The following ANK3 variants were observed in gnomAD, a reference collection of about 807,000 sequenced individuals.
ANK3 encodes the protein ankyrin 3.
A neutral mutation model predicts 370.9 loss-of-function variants in ANK3; 57 were observed. The ratio of observed to expected loss-of-function variants is 0.15; its 90% CI spans 0.12 to 0.19. ANK3 has a LOEUF of 0.19. Among genes scored for constraint, ANK3 ranks in the 10% least tolerant of loss-of-function variants. The probability of loss-of-function intolerance (pLI) is 1.00; values close to 1 mark genes in which losing one functional copy is unlikely to be tolerated. For missense variants in ANK3, 4,439 were observed against 5,302.1 expected (o/e 0.84, Z 5.06); for synonymous variants, 1,929 against 1,946.3 (o/e 0.99, Z 0.23).
At chr10:60,308,541 G>GT (rs1186336084) in intron 1 of ANK3, among the ~76,000 whole-genome samples, 7 of 152,070 alleles carry the variant, frequency 4.6e-5, no homozygotes, top group African/African-American at 1.7e-4. Context: ...CTCCCAAATT[G>GT]CTGGGATTAC....
chr10:60,058,835 C>T (rs1353068361), intron 41 of ANK3, among the ~76,000 whole-genome samples: 1 of 152,116 alleles, frequency 6.6e-6, no homozygotes, highest in Non-Finnish European at 1.5e-5. Flanking sequence ...CTCACTGCAA[C>T]CTCCACCCTC....
chr10:60,269,471 C>A (rs990493311), intron 5 of ANK3, among the ~76,000 whole-genome samples: 3 of 152,094 alleles, frequency 2.0e-5, no homozygotes, highest in East Asian at 3.9e-4. Flanking sequence ...TGGTGAAACC[C>A]TGTCTCTACT....
intron 43 of ANK3, among the ~76,000 whole-genome samples, chr10:60,034,653 T>C (rs1453108935): frequency 6.6e-6 from 1 of 152,224 alleles, no homozygotes; most frequent in Non-Finnish European, 1.5e-5. Context: ...CTTTCCCTAA[T>C]GAAATCCACC....
chr10:60,314,828 T>C (rs1239116472), intron 1 of ANK3, among the ~76,000 whole-genome samples: 1 of 152,196 alleles, frequency 6.6e-6, no homozygotes, highest in Admixed American at 6.5e-5. Flanking sequence ...CTCCAGTTAT[T>C]ATATATTGGC....
intron 2 of ANK3, among the ~76,000 whole-genome samples, chr10:60,398,097 G>C (rs2132894869): frequency 6.6e-6 from 1 of 152,294 alleles, no homozygotes; most frequent in Admixed American, 6.5e-5. Flanking sequence ...AATGGACTCT[G>C]TGAAAAAGCA....
In ANK3 at chr10:60,070,290, G is replaced by A. The variant is rs996319497; in HGVS notation, c.10591C>T (p.Pro3531Ser). Residue 3531 changes from proline (P) to serine (S), a missense_variant, in exon 37 of 44, where the codon CCT becomes TCT. Transcript: ENST00000280772. This position sits in a 1 kb window ranked among gnomAD's most constrained non-coding sequence, Gnocchi z 5.7. ...CCTTTGGTAGCTACTGTTTTAAAAGGAGTGGCAAATTCTTCATCTACTTTG... is the reference window on the plus strand; with the variant it reads ...CCTTTGGTAGCTACTGTTTTAAAAGAAGTGGCAAATTCTTCATCTACTTTG... ...SYKVDEEFAT[P>S]FKTVATKGLD... 1.2e-6 allele frequency: 2 copies of A among 1,614,116 alleles called. No individual in the cohort carries two copies. Among genetic ancestry groups the A allele is most frequent in the African/African-American group, 1.3e-5 (1 of 75,048 alleles).
At chr10:60,586,622 T>G (rs947624822) in intron 2 of ANK3, among the ~76,000 whole-genome samples, 2 of 152,162 alleles carry the variant, frequency 1.3e-5, no homozygotes, top group African/African-American at 4.8e-5. Context: ...AACCAAGATG[T>G]GTGCTCTGCT....
intron 8 of ANK3, among the ~76,000 whole-genome samples, chr10:60,221,578 A>G (rs1473645614): frequency 6.6e-6 from 1 of 151,862 alleles, no homozygotes; most frequent in Non-Finnish European, 1.5e-5. Flanking sequence ...AGCAAATCCA[A>G]GACATCATAT....
Position 60,615,225 on chromosome 10 carries a change from C to G in ANK3, c.58-1G>C. Reference sequence around the variant, plus strand: ...GTGAATAATCTGATCCAAAGCCACCCTAAAAAAGTAAAGAAACAAACATTT... The same window carrying G: ...GTGAATAATCTGATCCAAAGCCACCGTAAAAAAGTAAAGAAACAAACATTT... On this transcript the variant is annotated splice_acceptor_variant, in intron 1 of 43. Transcript: ENST00000373827. LOFTEE classifies it high-confidence loss of function. 1 of 1,514,054 alleles carries G rather than the reference C, an allele frequency of 6.6e-7. No homozygotes were observed. The highest frequency in any genetic ancestry group is 1.3e-5 in the South Asian group (1 of 79,264). 93.8% of individuals were successfully genotyped at this position (1,514,054 alleles called of 1,614,324 possible). A position where few individuals can be genotyped will look rare whatever the true frequency, so the allele number is the denominator to read the frequency against.
chr10:60,072,964 C>T lies in ANK3; in HGVS notation c.7917G>A (p.Leu2639=), dbSNP rs1417693295. The T allele has an allele frequency of 6.2e-7, 1 of 1,614,106 alleles. No individual in the cohort carries two copies. The highest frequency in any genetic ancestry group is 1.7e-5 in the Admixed American group (1 of 59,992). ...TAACCCACTCATCATTGGATGCCAG[C>T]AGTTCTGTCAGTAGCACTTTCTCAG... ...SSPEKVLLTE[L]LASNDEWVKA... is the part of the protein sequence containing the mutation. Residue 2639 remains leucine, a synonymous_variant, in exon 37 of 44, where the codon CTG becomes CTA. Coordinates refer to ENST00000280772, the MANE Select transcript of ANK3 (RefSeq NM_020987.5).
At position 60,181,433 on chromosome 10, in the gene ANK3, A is replaced by G. The variant is rs2096183446; in HGVS notation, c.2086-6T>C. ...TGGAGTGGGGTCAGGCCGCTCTGCA[A>G]AAGATTCAAAGGGCACAGTCATCGT... is the stretch of plus-strand genomic sequence containing the variant. On this transcript the variant is annotated splice_polypyrimidine_tract_variant and splice_region_variant and intron_variant, in intron 17 of 43. Transcript: ENST00000280772. The G allele has an allele frequency of 6.2e-7, 1 of 1,613,478 alleles. No individual in the cohort carries two copies. The highest frequency in any genetic ancestry group is 2.2e-5 in the East Asian group (1 of 44,884).
chr10:60,046,004 G>C (rs985317625), intron 42 of ANK3, among the ~76,000 whole-genome samples: 3 of 150,988 alleles, frequency 2.0e-5, no homozygotes, highest in Non-Finnish European at 2.9e-5. Context: ...CATTTAACTT[G>C]TTTTTCCTCA....
intron 1 of ANK3, among the ~76,000 whole-genome samples, chr10:60,633,922 C>T (rs1017794326): frequency 6.6e-6 from 1 of 152,046 alleles, no homozygotes; most frequent in Non-Finnish European, 1.5e-5. Context: ...TGCCTTAGAG[C>T]CAAACACAAA....
chr10:60,593,348 T>G (rs1048738397), intron 2 of ANK3, among the ~76,000 whole-genome samples: 2 of 152,150 alleles, frequency 1.3e-5, no homozygotes, highest in Admixed American at 6.5e-5. Flanking sequence ...AACATACAAA[T>G]TATTACCTTA....
At chr10:60,107,605 ATACTC>A (rs2092319113) in intron 27 of ANK3, among the ~76,000 whole-genome samples, 1 of 152,254 alleles carries the variant, frequency 6.6e-6, no homozygotes, top group South Asian at 2.1e-4. Flanking sequence ...CTTTAAAAGA[ATACTC>A]TATCTGCTGC....
chr10:60,356,140 GT>G (rs1256981223), intron 1 of ANK3, among the ~76,000 whole-genome samples: 1 of 152,152 alleles, frequency 6.6e-6, no homozygotes, highest in Non-Finnish European at 1.5e-5. Context: ...CTGAGGCATG[GT>G]GAGCACTGTA....
At chr10:60,459,606 C>T (rs188923271) in intron 2 of ANK3, among the ~76,000 whole-genome samples, 112 of 152,210 alleles carry the variant, frequency 7.4e-4, no homozygotes, top group African/African-American at 2.6e-3. Flanking sequence ...TGACTGATTG[C>T]TTCTTTTGTC....
chr10:60,324,954 G>A (rs2049477276), intron 1 of ANK3, among the ~76,000 whole-genome samples: 2 of 152,282 alleles, frequency 1.3e-5, no homozygotes, highest in South Asian at 4.2e-4. Flanking sequence ...TAAACAAACA[G>A]CTCATATTCA....
At chr10:60,374,477 A>T (rs1230728186) in intron 1 of ANK3, among the ~76,000 whole-genome samples, 1 of 152,176 alleles carries the variant, frequency 6.6e-6, no homozygotes, top group African/African-American at 2.4e-5. Context: ...GAGTGATTGC[A>T]GGCAGACCAA....
Sources: gnomAD v4.1 joint callset for allele counts (sites outside exome capture counted in the v4.1 genomes callset) on GRCh38, gnomAD v4.1.1 for gene constraint, Gnocchi (gnomAD v3.1) non-coding constraint, MANE v1.5 for transcripts, NCBI Gene and HGNC (gene_info 2026-07-23, HGNC 2026-07-21) for gene names.